CFAP61: variants seen among roughly 807,000 people sequenced by gnomAD.
CFAP61 encodes the protein cilia- and flagella-associated protein 61.
CFAP61 carries 107 observed loss-of-function variants against 135.6 expected under a neutral mutation model. That is an observed-to-expected ratio of 0.79 (90% CI 0.67 to 0.93). The LOEUF (loss-of-function observed/expected upper bound fraction) is 0.93. Ranked by LOEUF, CFAP61 falls within the 40% of genes least tolerant of loss-of-function variation. The pLI, the probability that CFAP61 is intolerant of heterozygous loss-of-function variation, is 0.00. For missense variants in CFAP61, 1,507 were observed against 1,556.2 expected, an observed-to-expected ratio of 0.97 and a Z score of 0.53; for synonymous variants, 575 against 578.5, an observed-to-expected ratio of 0.99 and a Z score of 0.09.
rs151323085 is a variant in CFAP61 at position 20,252,003 on chromosome 20, A to G, written c.2328+240A>G. ...CTGCTCGAGGATAAAAATCACAGCA[A>G]GTTGGAGAAATGTCATTCTTTAAGC... On this transcript the variant is annotated intron_variant, in intron 20 of 26. Transcript: ENST00000245957. Among the ~76,000 whole-genome samples the G allele has an allele frequency of 2.6e-5, 4 of 152,316 alleles. No homozygotes were observed. In the East Asian group the frequency reaches 7.7e-4, roughly 29 times the overall value.
intron 8 of CFAP61, among the ~76,000 whole-genome samples, chr20:20,104,097 A>T (rs1358806678): frequency 6.6e-6 from 1 of 152,190 alleles, no homozygotes; most frequent in African/African-American, 2.4e-5. Flanking sequence ...TTCACTTTAC[A>T]TAATAGAGTT....
intron 7 of CFAP61, among the ~76,000 whole-genome samples, chr20:20,091,267 C>T (rs2047180263): frequency 6.6e-6 from 1 of 152,198 alleles, no homozygotes; most frequent in South Asian, 2.1e-4. Flanking sequence ...AGGGGGATTT[C>T]TGAGGATCCC....
At chr20:20,064,123 A>G (rs1348532468) in intron 2 of CFAP61, among the ~76,000 whole-genome samples, 2 of 149,188 alleles carry the variant, frequency 1.3e-5, no homozygotes, top group South Asian at 2.1e-4. Context: ...TCCGATTGTT[A>G]TCAGTCAGAA....
chr20:20,070,969 G>GCTCAC lies in CFAP61; in HGVS notation c.259_260insCTCAC (p.Val87AlafsTer16). ...TGCCAAGCAGGATGACTGGGTGTCAGTGTTCCGGGAGCTCGACAGTGACAT... is the reference window on the plus strand; with the variant it reads ...TGCCAAGCAGGATGACTGGGTGTCAGCTCACTGTTCCGGGAGCTCGACAGTGACAT... On this transcript the variant is annotated frameshift_variant, in exon 3 of 27. Coordinates refer to ENST00000245957, the MANE Select transcript of CFAP61 (RefSeq NM_015585.4). LOFTEE classifies it high-confidence loss of function. The GCTCAC allele has an allele frequency of 3.1e-6, 5 of 1,614,214 alleles. No individual in the cohort carries two copies. Among genetic ancestry groups the GCTCAC allele is most frequent in the Non-Finnish European group, 4.2e-6 (5 of 1,180,028 alleles).
At chr20:20,325,676 C>T (rs1212862814) in intron 25 of CFAP61, among the ~76,000 whole-genome samples, 1 of 152,172 alleles carries the variant, frequency 6.6e-6, no homozygotes, top group Non-Finnish European at 1.5e-5. Context: ...ACTGCTGTAA[C>T]ATGTACAAGT....
At position 20,098,710 on chromosome 20, in the gene CFAP61, T is replaced by C. The variant is rs780328337; in HGVS notation, c.755T>C (p.Leu252Pro). ...GTGTGCTCAAGAGTGAACATGCAAC[T>C]GCTGCATGAGTGCTTTGACTTGGGC... ...MSVCSRVNMQ[L>P]LHECFDLGPF... The change falls in exon 8 of 27, where the codon CTG becomes CCG. Residue 252 changes from leucine to proline, a missense_variant. Coordinates refer to ENST00000245957, the MANE Select transcript of CFAP61 (RefSeq NM_015585.4). The C allele has an allele frequency of 6.2e-6, 10 of 1,613,446 alleles. No homozygotes were observed. The highest frequency in any genetic ancestry group is 8.5e-6 in the Non-Finnish European group (10 of 1,179,772).
chr20:20,163,999 T>C, intron 10 of CFAP61, 51 bp from the exon 11 acceptor site: 1 of 1,476,388 alleles, frequency 6.8e-7, no homozygotes, highest in Non-Finnish European at 9.2e-7. Flanking sequence ...CCCACTAAAT[T>C]ACAGGGCATT....
chr20:20,320,420 T>TG (rs1601997522), intron 25 of CFAP61, among the ~76,000 whole-genome samples: 28 of 77,084 alleles, frequency 3.6e-4, no homozygotes, highest in East Asian at 8.2e-4. Context: ...GTAATATATA[T>TG]TATATATGTA....
chr20:20,131,894 ATTAT>A (rs1013363784), intron 8 of CFAP61, among the ~76,000 whole-genome samples: 10 of 151,680 alleles, frequency 6.6e-5, no homozygotes, highest in East Asian at 1.9e-4. Flanking sequence ...TATTTAAAAT[ATTAT>A]TTATTTATTA....
intron 8 of CFAP61, among the ~76,000 whole-genome samples, chr20:20,131,147 C>G (rs1461238504): frequency 6.6e-6 from 1 of 151,648 alleles, no homozygotes; most frequent in African/African-American, 2.4e-5. Context: ...CTCTGTGGCT[C>G]TAGGAACTGT....
chr20:20,336,476 T>C (rs1602073294), intron 25 of CFAP61, among the ~76,000 whole-genome samples: 1 of 151,920 alleles, frequency 6.6e-6, no homozygotes, highest in East Asian at 1.9e-4. Context: ...AAATAGAAAA[T>C]TAGGCAGGTG....
chr20:20,169,295 T>C, intron 12 of CFAP61, 26 bp from the exon 13 acceptor site: 1 of 1,590,684 alleles, frequency 6.3e-7, no homozygotes, highest in Non-Finnish European at 8.6e-7. Context: ...ATTCTTTCTC[T>C]GTGTCCTGGT....
chr20:20,075,081 G>A, intron 4 of CFAP61, 108 bp from the exon 5 acceptor site: 2 of 1,024,992 alleles, frequency 2.0e-6, no homozygotes, highest in South Asian at 1.3e-5. Context: ...AGCCCATGTG[G>A]ATTTAGGAAC....
intron 8 of CFAP61, among the ~76,000 whole-genome samples, chr20:20,106,000 CTATATATATATATATA>C (rs10523115): frequency 0.037 from 3,765 of 102,606 alleles, 284 homozygotes; most frequent in African/African-American, 0.092. Context: ...CTACTCTTGC[CTATATATATATATATA>C]TATATATATA....
chr20:20,178,201 T>G lies in CFAP61; in HGVS notation c.1385+8741T>G, dbSNP rs551950781. Among the ~76,000 whole-genome samples, 5 of 151,748 alleles carry G rather than the reference T, an allele frequency of 3.3e-5. No homozygotes were observed. In the East Asian group the frequency reaches 9.6e-4, roughly 29 times the overall value. On this transcript the variant is annotated intron_variant, in intron 13 of 26. Coordinates refer to ENST00000245957, the MANE Select transcript of CFAP61 (RefSeq NM_015585.4). The stretch of plus-strand genomic sequence containing the variant: ...CACCCAGGTTCCCTCTCCTTTTGTT[T>G]AGTGACTACAGGCCTTTGAGATGAG...
chr20:20,318,275 C>T (rs2057254235), intron 25 of CFAP61, among the ~76,000 whole-genome samples: 1 of 152,158 alleles, frequency 6.6e-6, no homozygotes. Flanking sequence ...GCTCAATCTG[C>T]AGCACACTAA....
Position 20,360,452 on chromosome 20 carries a change from T to C in CFAP61, c.*42T>C. The C allele has an allele frequency of 6.4e-7, 1 of 1,570,160 alleles. No individual in the cohort carries two copies. The highest frequency in any genetic ancestry group is 2.2e-5 in the East Asian group (1 of 44,612). On this transcript the variant is annotated 3_prime_UTR_variant, in exon 27 of 27. Transcript: ENST00000245957. ...CCCTTTATGGTTTTCATTTATTTAG[T>C]TCCTGGAAACGCGCTCTGTAGAAAT...
chr20:20,331,034 T>A (rs2057970520), intron 25 of CFAP61, among the ~76,000 whole-genome samples: 1 of 152,254 alleles, frequency 6.6e-6, no homozygotes. Context: ...AAATACCTTA[T>A]GTCTCATAAT....
Position 20,075,265 on chromosome 20 carries a change from C to T in CFAP61, c.439+9C>T, listed in dbSNP as rs200993375. 93 of 1,613,380 alleles carry T rather than the reference C, an allele frequency of 5.8e-5. No homozygotes were observed. In the Admixed American group the frequency reaches 6.7e-4, roughly 12 times the overall value. On this transcript the variant is annotated intron_variant, in intron 5 of 26. Transcript: ENST00000245957. ...ATCCTACATGAGCCTAGGTAAGGCC[C>T]GCCCAACCACCTCTGGTCCCCGGTA...
Sources: gnomAD v4.1 joint callset for allele counts (sites outside exome capture counted in the v4.1 genomes callset) on GRCh38, gnomAD v4.1.1 for gene constraint, MANE v1.5 for transcripts, NCBI Gene and HGNC (gene_info 2026-07-23, HGNC 2026-07-21) for gene names.